The following THSD7B variants were observed in gnomAD, a reference collection of about 807,000 sequenced individuals.
THSD7B encodes thrombospondin type-1 domain-containing protein 7B.
A neutral mutation model predicts 213.6 loss-of-function variants in THSD7B; 138 were observed. That is an observed-to-expected ratio of 0.65 (90% CI 0.56 to 0.74). THSD7B has a LOEUF of 0.74. Among genes scored for constraint, THSD7B ranks in the 30% least tolerant of loss-of-function variants. The pLI is 0.00. For synonymous variants in THSD7B, 742 were observed against 687.0 expected (o/e 1.08, Z -1.25); for missense variants, 1,931 against 1,991.5 (o/e 0.97, Z 0.58).
At chr2:137,258,104 G>T (rs1682349050) in intron 10 of THSD7B, among the ~76,000 whole-genome samples, 1 of 152,134 alleles carries the variant, frequency 6.6e-6, no homozygotes, top group South Asian at 2.1e-4. Context: ...AACTTTTGTG[G>T]TTCCATGTAG....
At chr2:137,557,278 G>C (rs115982764) in intron 15 of THSD7B, among the ~76,000 whole-genome samples, 7,816 of 152,102 alleles carry the variant, frequency 0.051, 271 homozygotes, top group Non-Finnish European at 0.074. Flanking sequence ...CCTAAATTGA[G>C]CACATAGTTG....
At chr2:137,155,749 G>A (rs973749915) in intron 5 of THSD7B, among the ~76,000 whole-genome samples, 3 of 152,160 alleles carry the variant, frequency 2.0e-5, no homozygotes, top group African/African-American at 4.8e-5. Context: ...AATGAAGGAG[G>A]GGAAGGATTT....
chr2:137,424,683 T>C (rs1025462728), intron 14 of THSD7B, among the ~76,000 whole-genome samples: 20 of 152,150 alleles, frequency 1.3e-4, no homozygotes, highest in Admixed American at 1.1e-3. Flanking sequence ...TTCAACATCC[T>C]TCATAATAAA....
At chr2:137,119,280 A>ACTCAT (rs1413428446) in intron 5 of THSD7B, among the ~76,000 whole-genome samples, 5 of 152,210 alleles carry the variant, frequency 3.3e-5, no homozygotes, top group Non-Finnish European at 7.4e-5. Context: ...TATTTGTTTA[A>ACTCAT]AAAAATTATG....
At chr2:137,512,652 C>A (rs1679990958) in intron 15 of THSD7B, among the ~76,000 whole-genome samples, 1 of 151,896 alleles carries the variant, frequency 6.6e-6, no homozygotes, top group Non-Finnish European at 1.5e-5. Flanking sequence ...CCTCAGCCTC[C>A]TGAAGTGCTG....
chr2:136,942,217 G>A (rs186576841), intron 2 of THSD7B, among the ~76,000 whole-genome samples: 1 of 152,008 alleles, frequency 6.6e-6, no homozygotes, highest in Non-Finnish European at 1.5e-5. Flanking sequence ...TCTCTGTTTT[G>A]GTACCAGTAC....
intron 15 of THSD7B, among the ~76,000 whole-genome samples, chr2:137,557,862 A>AT (rs1352210795): frequency 1.3e-5 from 2 of 152,236 alleles, no homozygotes; most frequent in Admixed American, 1.3e-4. Flanking sequence ...AATAGACGCA[A>AT]TAAAAAATGA....
Position 137,115,112 on chromosome 2 carries a change from C to G in THSD7B, c.1200-12C>G. On this transcript the variant is annotated splice_polypyrimidine_tract_variant and intron_variant, in intron 4 of 27. Coordinates refer to ENST00000409968, the MANE Select transcript of THSD7B (RefSeq NM_001316349.2). ...CTTCTTCTTCTTCTTTTAAATAAAC[C>G]AAACCAAACAGGTATTCCTGGAGAA... The G allele has an allele frequency of 6.2e-7, 1 of 1,613,794 alleles. No homozygotes were observed. The highest frequency in any genetic ancestry group is 8.5e-7 in the Non-Finnish European group (1 of 1,179,804).
chr2:137,242,179 T>C (rs1432984564), intron 9 of THSD7B, among the ~76,000 whole-genome samples: 1 of 152,210 alleles, frequency 6.6e-6, no homozygotes, highest in African/African-American at 2.4e-5. Flanking sequence ...TGAGACACTT[T>C]CTTGGCACTC....
chr2:137,536,246 T>G (rs1323768792), intron 15 of THSD7B, among the ~76,000 whole-genome samples: 1 of 151,204 alleles, frequency 6.6e-6, no homozygotes, highest in Non-Finnish European at 1.5e-5. Context: ...AGACTCAGAC[T>G]TTCCCGTTTG....
At chr2:137,597,798 GTGGTTACCATTTAATTACTTTGAA>G (rs1450248352) in intron 17 of THSD7B, among the ~76,000 whole-genome samples, 1 of 152,110 alleles carries the variant, frequency 6.6e-6, no homozygotes. Context: ...CACAATTTTA[GTGGTTACCATTTAATTACTTTGAA>G]TTGGGTTGTC....
At chr2:136,842,106 T>C (rs1386413470) in intron 1 of THSD7B, among the ~76,000 whole-genome samples, 1 of 152,208 alleles carries the variant, frequency 6.6e-6, no homozygotes, top group Admixed American at 6.5e-5. Context: ...ATTTGTCAAA[T>C]GAAAGGATTT....
At chr2:137,031,562 A>C (rs1686667727) in intron 2 of THSD7B, among the ~76,000 whole-genome samples, 1 of 152,152 alleles carries the variant, frequency 6.6e-6, no homozygotes, top group African/African-American at 2.4e-5. Context: ...AGGGACCAGC[A>C]CAGTACCTAG....
intron 2 of THSD7B, among the ~76,000 whole-genome samples, chr2:137,003,449 G>A (rs1031847971): frequency 6.6e-6 from 1 of 152,150 alleles, no homozygotes; most frequent in Admixed American, 6.5e-5. Context: ...TAGAAGAATT[G>A]CTCAAATATT....
At chr2:137,540,292 G>A (rs538072886) in intron 15 of THSD7B, among the ~76,000 whole-genome samples, 4 of 151,762 alleles carry the variant, frequency 2.6e-5, no homozygotes, top group African/African-American at 9.7e-5. Flanking sequence ...AGAACCACTT[G>A]GCAAAACTTG....
At chr2:137,635,569 A>G (rs1034239951) in intron 20 of THSD7B, among the ~76,000 whole-genome samples, 1 of 152,338 alleles carries the variant, frequency 6.6e-6, no homozygotes, top group Admixed American at 6.5e-5. Context: ...CCAGTAAAAT[A>G]CAGCAGACAC....
chr2:137,386,574 G>A (rs981021348), intron 12 of THSD7B, among the ~76,000 whole-genome samples: 1 of 152,232 alleles, frequency 6.6e-6, no homozygotes, highest in East Asian at 1.9e-4. Context: ...AACTCTGGTC[G>A]GAATCAACTT....
chr2:136,846,635 G>C (rs946221214), intron 1 of THSD7B, among the ~76,000 whole-genome samples: 1 of 151,920 alleles, frequency 6.6e-6, no homozygotes, highest in Non-Finnish European at 1.5e-5. Flanking sequence ...GGCAACATGG[G>C]CATTATTATA....
At chr2:136,914,809 A>G (rs545839424) in intron 2 of THSD7B, among the ~76,000 whole-genome samples, 2 of 152,206 alleles carry the variant, frequency 1.3e-5, no homozygotes, top group Non-Finnish European at 2.9e-5. Flanking sequence ...CAGCATGAAA[A>G]CGGACTAATA....
Sources: allele counts gnomAD v4.1 joint callset (sites outside exome capture counted in the v4.1 genomes callset), GRCh38; gene constraint gnomAD v4.1.1; transcripts MANE v1.5; gene names NCBI Gene and HGNC (gene_info 2026-07-23, HGNC 2026-07-21).